LRRC7: variants seen among roughly 807,000 people sequenced by gnomAD.
LRRC7 encodes the protein leucine-rich repeat-containing protein 7.
In LRRC7, 23 loss-of-function variants were observed where a neutral mutation model predicts 175.7. That is an observed-to-expected ratio of 0.13 (90% CI 0.09 to 0.19). The LOEUF (loss-of-function observed/expected upper bound fraction) is 0.19. Ranked by LOEUF, LRRC7 falls within the 10% of genes least tolerant of loss-of-function variation. The pLI is 1.00. For synonymous variants in LRRC7, 685 were observed against 680.9 expected (o/e 1.01, Z -0.09); for missense variants, 1,354 against 1,904.7 (o/e 0.71, Z 5.38).
intron 11 of LRRC7, among the ~76,000 whole-genome samples, chr1:69,995,752 C>A (rs1243719183): frequency 3.3e-5 from 5 of 152,064 alleles, no homozygotes; most frequent in Non-Finnish European, 5.9e-5. Context: ...TTTATGGCTG[C>A]ATAGTATTCC....
In LRRC7 at chr1:69,617,547, T is replaced by TAAAAAAAAAAAAAAAAAAAAAAAAAAAAA. The variant is rs11473590; in HGVS notation, c.2+48931_2+48932insAAAAAAAAAAAAAAAAAAAAAAAAAAAAA. Among the ~76,000 whole-genome samples, 9 of 62,006 alleles carry TAAAAAAAAAAAAAAAAAAAAAAAAAAAAA rather than the reference T, an allele frequency of 1.5e-4. 1 individual carries two copies. Among genetic ancestry groups the TAAAAAAAAAAAAAAAAAAAAAAAAAAAAA allele is most frequent in the Non-Finnish European group, 2.1e-4 (7 of 33,672 alleles). 40.7% of individuals were successfully genotyped at this position (62,006 alleles called of 152,430 possible). ...GCTGAAGGTTGTTATATACTCACAG[T>TAAAAAAAAAAAAAAAAAAAAAAAAAAAAA]AAAAAAAAAAAAAAAAAAAAAAAAA... On this transcript the variant is annotated intron_variant, in intron 1 of 26. Coordinates refer to ENST00000651989, the MANE Select transcript of LRRC7 (RefSeq NM_001370785.2).
chr1:69,762,952 A>G (rs1324792083), intron 3 of LRRC7, among the ~76,000 whole-genome samples: 2 of 151,914 alleles, frequency 1.3e-5, no homozygotes, highest in Non-Finnish European at 2.9e-5. Flanking sequence ...AATTTTTTTT[A>G]CTTTCATAAA....
At chr1:69,887,516 C>T (rs964067902) in intron 7 of LRRC7, among the ~76,000 whole-genome samples, 11 of 150,258 alleles carry the variant, frequency 7.3e-5, no homozygotes, top group Non-Finnish European at 1.0e-4. Context: ...GTTATACATT[C>T]GTCTAAATTT....
intron 7 of LRRC7, among the ~76,000 whole-genome samples, chr1:69,852,652 C>T (rs1683115359): frequency 6.6e-6 from 1 of 152,054 alleles, no homozygotes; most frequent in Admixed American, 6.6e-5. Flanking sequence ...TAAACTGACA[C>T]TTTTCGGTTA....
Position 69,617,517 on chromosome 1 carries a change from T to G in LRRC7, c.2+48876T>G, listed in dbSNP as rs1649820616. Among the ~76,000 whole-genome samples the G allele has an allele frequency of 1.5e-5, 2 of 135,258 alleles. 1 individual carries two copies. Among genetic ancestry groups the G allele is most frequent in the South Asian group, 4.6e-4 (2 of 4,324 alleles). 88.7% of individuals were successfully genotyped at this position (135,258 alleles called of 152,430 possible). On this transcript the variant is annotated intron_variant, in intron 1 of 26. Transcript: ENST00000651989. ...GGATAGATTGTGGTGCAAAAATCTTTGTGAGCTGAAGGTTGTTATATACTC... is the reference window on the plus strand; with the variant it reads ...GGATAGATTGTGGTGCAAAAATCTTGGTGAGCTGAAGGTTGTTATATACTC...
intron 7 of LRRC7, among the ~76,000 whole-genome samples, chr1:69,866,207 A>T (rs1684932270): frequency 6.6e-6 from 1 of 152,214 alleles, no homozygotes; most frequent in Non-Finnish European, 1.5e-5. Flanking sequence ...TGCACCTGAA[A>T]AGAAAACAAT....
chr1:70,055,939 G>A (rs1558031987), intron 23 of LRRC7, among the ~76,000 whole-genome samples: 1 of 152,194 alleles, frequency 6.6e-6, no homozygotes, highest in African/African-American at 2.4e-5. Context: ...CATAGAGATA[G>A]ATAAAAGTTC....
intron 26 of LRRC7, among the ~76,000 whole-genome samples, chr1:70,118,322 T>G (rs938479791): frequency 1.3e-5 from 2 of 151,626 alleles, no homozygotes; most frequent in Non-Finnish European, 2.9e-5. Flanking sequence ...CTGAGATTTA[T>G]TCTATTATCT....
At chr1:69,980,258 G>A (rs1429680453) in intron 8 of LRRC7, 121 bp from the exon 9 acceptor site, 2 of 843,918 alleles carry the variant, frequency 2.4e-6, no homozygotes, top group Non-Finnish European at 3.9e-6. Context: ...TTTCTTAGAT[G>A]CTTAACACTA....
intron 4 of LRRC7, among the ~76,000 whole-genome samples, chr1:69,799,144 T>G (rs1676161366): frequency 6.6e-6 from 1 of 151,284 alleles, no homozygotes; most frequent in South Asian, 2.1e-4. Context: ...AAATATTGTC[T>G]CCCAATTTGT....
chr1:70,110,360 A>G (rs1415310033), intron 26 of LRRC7, among the ~76,000 whole-genome samples: 2 of 152,178 alleles, frequency 1.3e-5, no homozygotes, highest in Admixed American at 6.5e-5. Flanking sequence ...AGGCTTAGTG[A>G]CAGAGCGAGA....
At chr1:69,992,086 G>A (rs979401604) in intron 10 of LRRC7, among the ~76,000 whole-genome samples, 1 of 152,054 alleles carries the variant, frequency 6.6e-6, no homozygotes, top group African/African-American at 2.4e-5. Context: ...TGTGACCTTA[G>A]ACAAGTTACT....
rs1028985074 is a variant in LRRC7, at chr1:69,994,744, C to G, written c.1004+111C>G. The G allele has an allele frequency of 1.3e-4, 84 of 632,530 alleles. No individual in the cohort carries two copies. The African/African-American group carries it at 1.4e-3, about 11-fold the overall frequency. 39.2% of individuals were successfully genotyped at this position (632,530 alleles called of 1,614,324 possible). A position where few individuals can be genotyped will look rare whatever the true frequency, so the allele number is the denominator to read the frequency against. ...TACTAAAGATACCAATAATCCTGTT[C>G]ATCTGTCAGCTTATTTTAAACCATA... On this transcript the variant is annotated intron_variant, in intron 11 of 26. Transcript: ENST00000651989.
intron 1 of LRRC7, among the ~76,000 whole-genome samples, chr1:69,641,659 T>C (rs1032351588): frequency 8.6e-5 from 13 of 151,680 alleles, no homozygotes; most frequent in Admixed American, 8.6e-4. Context: ...AACTTGCTTT[T>C]CGGGCAAAAG....
intron 2 of LRRC7, among the ~76,000 whole-genome samples, chr1:69,716,370 G>A (rs1331611579): frequency 6.6e-6 from 1 of 151,700 alleles, no homozygotes; most frequent in Non-Finnish European, 1.5e-5. Flanking sequence ...AAATAATTAG[G>A]AAGAAACATG....
At chr1:70,044,220 A>C in intron 22 of LRRC7, 126 bp downstream of exon 22, 1 of 858,018 alleles carries the variant, frequency 1.2e-6, no homozygotes, top group East Asian at 2.6e-5. Context: ...CAAAAAGCAC[A>C]AGGGCAAGTA....
rs549510574 is a variant in LRRC7, at chr1:70,036,323, A to G, written c.2107+91A>G. 259 of 1,384,232 alleles carry G rather than the reference A, an allele frequency of 1.9e-4. 2 individuals are homozygous for G. In the South Asian group the frequency reaches 3.1e-3, roughly 17 times the overall value. 85.7% of individuals were successfully genotyped at this position (1,384,232 alleles called of 1,614,324 possible). ...TAAATTATGATACACCATATTCTAT[A>G]CAAATGTTTTACAAATATGCATTTC... On this transcript the variant is annotated intron_variant, in intron 19 of 26. Coordinates refer to ENST00000651989, the MANE Select transcript of LRRC7 (RefSeq NM_001370785.2).
intron 1 of LRRC7, among the ~76,000 whole-genome samples, chr1:69,670,271 C>T (rs185000308): frequency 6.6e-6 from 1 of 152,280 alleles, no homozygotes; most frequent in Admixed American, 6.5e-5. Flanking sequence ...GTAATTTAAG[C>T]CGTATCTGCA....
chr1:69,966,492 T>C (rs771935673), intron 8 of LRRC7, among the ~76,000 whole-genome samples: 20 of 152,208 alleles, frequency 1.3e-4, no homozygotes, highest in Non-Finnish European at 2.8e-4. Context: ...GGTATAAAAA[T>C]AAATACAATC....
Sources: gnomAD v4.1 joint callset for allele counts (sites outside exome capture counted in the v4.1 genomes callset) on GRCh38, gnomAD v4.1.1 for gene constraint, MANE v1.5 for transcripts, NCBI Gene and HGNC (gene_info 2026-07-23, HGNC 2026-07-21) for gene names.